CASK: variants seen among roughly 807,000 people sequenced by gnomAD.
CASK encodes calcium/calmodulin dependent serine protein kinase.
CASK carries 4 observed loss-of-function variants against 82.9 expected under a neutral mutation model. The observed-to-expected ratio is 0.05, with a 90% CI of 0.02 to 0.11. The LOEUF (loss-of-function observed/expected upper bound fraction) is 0.11, where lower values mean the gene tolerates loss of function less well. CASK is among the 10% of genes least tolerant of loss of function. CASK has a pLI of 1.00. For synonymous variants in CASK, 259 were observed against 253.5 expected, an observed-to-expected ratio of 1.02 and a Z score of -0.20; for missense variants, 358 against 720.9, an observed-to-expected ratio of 0.50 and a Z score of 5.76.
chrX:41,616,384 G>C (rs1480585540), intron 11 of CASK, among the ~76,000 whole-genome samples: 1 of 111,309 alleles, frequency 9.0e-6, no homozygotes. Context: ...CTGAGCTTCA[G>C]AAGGTTCATG....
At chrX:41,840,690 T>A (rs2071018432) in intron 2 of CASK, among the ~76,000 whole-genome samples, 1 of 112,309 alleles carries the variant, frequency 8.9e-6, no homozygotes, top group African/African-American at 3.2e-5. Flanking sequence ...TTTCTCACCA[T>A]TAAGTAAGAT....
In CASK at chrX:41,796,768, C is replaced by G. The variant is rs992795835; in HGVS notation, c.173-9485G>C. 2.7e-5 allele frequency among the ~76,000 whole-genome samples: 3 copies of G among 111,654 alleles called. No homozygotes were observed. In the Admixed American group the frequency reaches 2.9e-4, roughly 11 times the overall value. Reference sequence around the variant, plus strand: ...TACTTCCTATATGCAGCTGCCAAAACCTGTCCATTCTATTTCTGCAACACC... The same window carrying G: ...TACTTCCTATATGCAGCTGCCAAAAGCTGTCCATTCTATTTCTGCAACACC... On this transcript the variant is annotated intron_variant, in intron 2 of 26. Transcript: ENST00000378163.
At chrX:41,611,670 CCTCTCCCTCTCT>C (rs2066052716) in intron 11 of CASK, among the ~76,000 whole-genome samples, 1 of 58,293 alleles carries the variant, frequency 1.7e-5, no homozygotes, top group South Asian at 1.9e-3. Flanking sequence ...TCTCTCTCTC[CCTCTCCCTCTCT>C]CTCTCCCTCT....
chrX:41,894,730 A>G (rs1223105199), intron 1 of CASK, among the ~76,000 whole-genome samples: 1 of 111,044 alleles, frequency 9.0e-6, no homozygotes, highest in Admixed American at 9.5e-5. Context: ...TCAAAGAGGG[A>G]AAAACCTGTA....
intron 2 of CASK, among the ~76,000 whole-genome samples, chrX:41,792,048 A>G (rs1045517989): frequency 2.7e-5 from 3 of 111,568 alleles, no homozygotes; most frequent in African/African-American, 9.8e-5. Context: ...TTTCCTAAAA[A>G]GTTTGGGCTC....
chrX:41,555,807 C>A, intron 19 of CASK, 172 bp from the exon 20 acceptor site: 1 of 435,520 alleles, frequency 2.3e-6, no homozygotes, highest in Non-Finnish European at 4.0e-6. Flanking sequence ...AAAAGTCAAA[C>A]CCAGGCCATT....
intron 14 of CASK, among the ~76,000 whole-genome samples, chrX:41,581,574 T>C (rs979786900): frequency 9.1e-6 from 1 of 110,488 alleles, no homozygotes; most frequent in African/African-American, 3.3e-5. Context: ...ATTATAAATA[T>C]GCCAAGAATA....
intron 3 of CASK, among the ~76,000 whole-genome samples, chrX:41,777,721 T>G (rs1192134527): frequency 9.0e-6 from 1 of 111,372 alleles, no homozygotes; most frequent in African/African-American, 3.3e-5. Context: ...GGTTGTTCAC[T>G]TCTACAATAA....
At chrX:41,599,872 A>T (rs1233644609) in intron 12 of CASK, among the ~76,000 whole-genome samples, 1 of 112,394 alleles carries the variant, frequency 8.9e-6, no homozygotes, top group Non-Finnish European at 1.9e-5. Flanking sequence ...CAGTTACATG[A>T]TATAATATAG....
At chrX:41,656,845 T>A (rs2147453141) in intron 8 of CASK, among the ~76,000 whole-genome samples, 1 of 111,617 alleles carries the variant, frequency 9.0e-6, no homozygotes, top group South Asian at 3.8e-4. Flanking sequence ...AAACTCCCCC[T>A]GCCCCTCCCT....
intron 1 of CASK, among the ~76,000 whole-genome samples, chrX:41,858,913 C>CTT (rs1371377610): frequency 1.8e-5 from 2 of 110,735 alleles, no homozygotes; most frequent in Non-Finnish European, 3.8e-5. Flanking sequence ...GCACAAAGGG[C>CTT]TTTTGAAGGC....
At chrX:41,594,781 C>T (rs1224227215) in intron 12 of CASK, among the ~76,000 whole-genome samples, 1 of 111,585 alleles carries the variant, frequency 9.0e-6, no homozygotes, top group African/African-American at 3.3e-5. Context: ...GGGCAGGGGA[C>T]GAGAACGTTT....
chrX:41,870,431 A>G (rs1345137536), intron 1 of CASK, among the ~76,000 whole-genome samples: 3 of 112,113 alleles, frequency 2.7e-5, no homozygotes, highest in African/African-American at 9.7e-5. Flanking sequence ...TTGTCATAGC[A>G]GATCCACACT....
At chrX:41,678,749 G>A (rs1340427954) in intron 5 of CASK, among the ~76,000 whole-genome samples, 1 of 111,235 alleles carries the variant, frequency 9.0e-6, no homozygotes, top group Non-Finnish European at 1.9e-5. Context: ...CAAACATATA[G>A]AAAATTGAAA....
chrX:41,786,437 T>C (rs904896985), intron 3 of CASK, among the ~76,000 whole-genome samples: 18 of 107,478 alleles, frequency 1.7e-4, no homozygotes, highest in African/African-American at 6.1e-4. Context: ...TTTTGGTATG[T>C]TTCCCAGGCT....
At chrX:41,723,168 C>T (rs1358097657) in intron 5 of CASK, among the ~76,000 whole-genome samples, 2 of 111,993 alleles carry the variant, frequency 1.8e-5, no homozygotes, top group Admixed American at 1.9e-4. Context: ...GTAAGCATTG[C>T]GGGTTTATGA....
intron 3 of CASK, among the ~76,000 whole-genome samples, chrX:41,746,757 T>C (rs1044127195): frequency 8.9e-6 from 1 of 111,826 alleles, no homozygotes; most frequent in African/African-American, 3.3e-5. Flanking sequence ...ACTAACATAC[T>C]TCCTATTCAT....
intron 1 of CASK, among the ~76,000 whole-genome samples, chrX:41,900,855 C>G (rs751800786): frequency 4.8e-5 from 5 of 103,977 alleles, no homozygotes; most frequent in Non-Finnish European, 7.8e-5. Context: ...AAGCAATTCT[C>G]CTGCCTCAGC....
chrX:41,731,650 C>T (rs762461994), intron 5 of CASK, among the ~76,000 whole-genome samples: 5 of 112,048 alleles, frequency 4.5e-5, no homozygotes, highest in African/African-American at 1.6e-4. Context: ...TCATTATCAT[C>T]ATGGATATCT....
Sources: gnomAD v4.1 joint callset for allele counts (sites outside exome capture counted in the v4.1 genomes callset) on GRCh38, gnomAD v4.1.1 for gene constraint, MANE v1.5 for transcripts, NCBI Gene and HGNC (gene_info 2026-07-23, HGNC 2026-07-21) for gene names.